Variants in UBAP2L observed in about 807,000 individuals in gnomAD.
The protein encoded by UBAP2L is ubiquitin associated protein 2 like.
A neutral mutation model predicts 130.6 loss-of-function variants in UBAP2L; 12 were observed. The ratio of observed to expected loss-of-function variants is 0.09; its 90% CI spans 0.06 to 0.15. The LOEUF (loss-of-function observed/expected upper bound fraction) is 0.15, where lower values mean the gene tolerates loss of function less well. Ranked by LOEUF, UBAP2L falls within the 10% of genes least tolerant of loss-of-function variation. The pLI is 1.00. For synonymous variants in UBAP2L, 503 were observed against 524.7 expected, an observed-to-expected ratio of 0.96 and a Z score of 0.57; for missense variants, 965 against 1,332.5, an observed-to-expected ratio of 0.72 and a Z score of 4.29.
chr1:154,269,312 A>G (rs146339018), intron 26 of UBAP2L: 89 of 1,351,850 alleles, frequency 6.6e-5, no homozygotes, highest in African/African-American at 1.5e-4. Context: ...GTGGAGTTCT[A>G]TTGTCAAAGT....
intron 15 of UBAP2L, 73 bp from the exon 16 acceptor site, chr1:154,254,763 C>A (rs1194604): frequency 0.59 from 867,417 of 1,465,784 alleles, 262,597 homozygotes; most frequent in East Asian, 0.97. Flanking sequence ...AATAAAGCTG[C>A]ATCAGTGCTA....
chr1:154,234,270 C>T (rs778921015), intron 4 of UBAP2L, among the ~76,000 whole-genome samples: 6 of 151,638 alleles, frequency 4.0e-5, no homozygotes, highest in East Asian at 1.9e-4. Context: ...GACTGAGGCA[C>T]GAGAATCGCT....
Position 154,253,954 on chromosome 1 carries a change from C to T in UBAP2L, c.1719C>T (p.Ser573=), listed in dbSNP as rs776429493. 1.2e-6 allele frequency: 2 copies of T among 1,614,056 alleles called. No homozygotes were observed. Among genetic ancestry groups the T allele is most frequent in the Admixed American group, 1.7e-5 (1 of 60,004 alleles). The change falls in exon 15 of 27, where the codon AGC becomes AGT. Residue 573 remains serine (S), a synonymous_variant. Transcript: ENST00000428931. ...AGAGTCAGGAGTCTGGTTATCAGAG[C>T]GGCCCAATTCAGTCGACAACCTATA... The part of the protein sequence containing the change: ...SNQSQESGYQ[S]GPIQSTTYTS...
intron 8 of UBAP2L, among the ~76,000 whole-genome samples, chr1:154,240,995 A>G (rs1364917727): frequency 7.2e-6 from 1 of 139,010 alleles, no homozygotes; most frequent in Non-Finnish European, 1.5e-5. Context: ...ATGAAATCAT[A>G]ATCTTATTAA....
At chr1:154,233,325 T>C (rs1259367718) in intron 4 of UBAP2L, among the ~76,000 whole-genome samples, 1 of 147,846 alleles carries the variant, frequency 6.8e-6, no homozygotes, top group Non-Finnish European at 1.5e-5. Context: ...CTTTTTTTTC[T>C]TTTTTTTTCT....
intron 21 of UBAP2L, 122 bp downstream of exon 21, chr1:154,259,152 C>A: frequency 1.2e-6 from 1 of 867,402 alleles, no homozygotes; most frequent in Admixed American, 2.2e-5. Flanking sequence ...TGATTTAAGG[C>A]ATATTAGAAT....
rs369817931 is a variant in UBAP2L, at chr1:154,257,443, G to A, written c.2442+9G>A. 4.3e-6 allele frequency: 7 copies of A among 1,612,086 alleles called. No individual in the cohort carries two copies. Among genetic ancestry groups the A allele is most frequent in the Non-Finnish European group, 5.9e-6 (7 of 1,179,866 alleles). ...TGTTACATGCCTACCCGGTAAGTGG[G>A]ACTAAAGGATCTTCTTCAAAAGGTG... On this transcript the variant is annotated intron_variant, in intron 20 of 26. Coordinates refer to ENST00000428931, the MANE Select transcript of UBAP2L (RefSeq NM_014847.4).
chr1:154,246,288 T>A lies in UBAP2L; in HGVS notation c.927T>A (p.Ser309=). 6.2e-7 allele frequency: 1 copy of A among 1,613,842 alleles called. No homozygotes were observed. Among genetic ancestry groups the A allele is most frequent in the Non-Finnish European group, 8.5e-7 (1 of 1,179,940 alleles). The change falls in exon 11 of 27, where the codon TCT becomes TCA. Residue 309 remains serine, a synonymous_variant. Transcript: ENST00000428931. The stretch of plus-strand genomic sequence containing the variant: ...ATCTGGATCCGTCTCAGGCTCCTTC[T>A]CTGGCCCAGCCTCTGGTGTTCAGTA... The part of the protein sequence containing the change: ...SSNLDPSQAP[S]LAQPLVFSNS...
In UBAP2L at chr1:154,270,349, A is replaced by G. The variant is rs747761218; in HGVS notation, c.*54A>G. ...CTTCTGAGAGGGCTTCTCAGCCTGG[A>G]AACTATGGAAACAGCATCAAAGAGA... On this transcript the variant is annotated 3_prime_UTR_variant, in exon 27 of 27. Transcript: ENST00000428931. 6 of 1,611,218 alleles carry G rather than the reference A, an allele frequency of 3.7e-6. No homozygotes were observed. Among genetic ancestry groups the G allele is most frequent in the Non-Finnish European group, 4.2e-6 (5 of 1,179,142 alleles).
chr1:154,243,109 C>G, intron 9 of UBAP2L, 108 bp from the exon 10 acceptor site: 1 of 865,826 alleles, frequency 1.2e-6, no homozygotes, highest in Non-Finnish European at 1.9e-6. Context: ...ATAGTTTTCT[C>G]TTTATAGGGC....
chr1:154,247,808 A>C (rs1370709052), intron 11 of UBAP2L, among the ~76,000 whole-genome samples: 3 of 152,128 alleles, frequency 2.0e-5, no homozygotes, highest in East Asian at 3.8e-4. Context: ...TGTACTAATC[A>C]ATATGTTAGA....
intron 4 of UBAP2L, among the ~76,000 whole-genome samples, chr1:154,230,026 T>C (rs1425492578): frequency 6.6e-6 from 1 of 152,128 alleles, no homozygotes; most frequent in Admixed American, 6.6e-5. Flanking sequence ...AGCTAATTTT[T>C]TTTTTTTGAG....
intron 14 of UBAP2L, among the ~76,000 whole-genome samples, chr1:154,252,785 C>G (rs190181902): frequency 6.6e-6 from 1 of 152,078 alleles, no homozygotes; most frequent in East Asian, 1.9e-4. Context: ...TCTTGAACTC[C>G]TGAATGGAGA....
intron 16 of UBAP2L, 42 bp from the exon 17 acceptor site, chr1:154,255,110 C>CT (rs1267952459): frequency 1.9e-6 from 3 of 1,605,422 alleles, no homozygotes; most frequent in Admixed American, 1.7e-5. Context: ...TAGACATTCC[C>CT]TTTTTTCTGA....
chr1:154,251,260 C>T lies in UBAP2L; in HGVS notation c.1433C>T (p.Pro478Leu). 3 of 1,614,196 alleles carry T rather than the reference C, an allele frequency of 1.9e-6. No homozygotes were observed. Among genetic ancestry groups the T allele is most frequent in the Non-Finnish European group, 1.7e-6 (2 of 1,180,042 alleles). The change falls in exon 13 of 27, where the codon CCT becomes CTT. Residue 478 changes from proline (P) to leucine (L), a missense_variant. By Grantham distance (98) the Pro-to-Leu change is moderately conservative. Transcript: ENST00000428931. ...TCTTCAGACAACCAGTCCTCTAGCC[C>T]TCAGCCGGCTCAGCAGAAACTGAAA... is the stretch of plus-strand genomic sequence containing the variant. Reference protein sequence around the residue: ...PGSSDNQSSSPQPAQQKLKQQ... With the variant: ...PGSSDNQSSSLQPAQQKLKQQ...
chr1:154,264,794 CTT>C (rs898035109), intron 24 of UBAP2L, among the ~76,000 whole-genome samples: 8 of 151,920 alleles, frequency 5.3e-5, no homozygotes, highest in Non-Finnish European at 1.0e-4. Context: ...TAAATTCTCT[CTT>C]TTGGTTTGAC....
chr1:154,246,442 C>T, intron 11 of UBAP2L, 67 bp downstream of exon 11: 1 of 1,508,100 alleles, frequency 6.6e-7, no homozygotes, highest in Non-Finnish European at 8.9e-7. Flanking sequence ...TACACAGTTC[C>T]TTCCAAAGAC....
intron 17 of UBAP2L, 84 bp downstream of exon 17, chr1:154,255,410 A>G: frequency 6.5e-7 from 1 of 1,528,812 alleles, no homozygotes; most frequent in South Asian, 1.2e-5. Flanking sequence ...TTGACCTGGC[A>G]GAGACCACAT....
intron 10 of UBAP2L, among the ~76,000 whole-genome samples, chr1:154,244,873 C>T (rs1031801336): frequency 3.5e-5 from 4 of 112,686 alleles, no homozygotes; most frequent in African/African-American, 1.0e-4. Context: ...ATAGCCACCT[C>T]GCCTACACCC....
Sources: allele counts gnomAD v4.1 joint callset (sites outside exome capture counted in the v4.1 genomes callset), GRCh38; gene constraint gnomAD v4.1.1; transcripts MANE v1.5; gene names NCBI Gene and HGNC (gene_info 2026-07-23, HGNC 2026-07-21).